Variants in MOK observed in about 807,000 individuals in gnomAD.
MOK encodes the protein MOK protein kinase, also known as MAPK/MAK/MRK overlapping kinase.
A neutral mutation model predicts 54.2 loss-of-function variants in MOK; 59 were observed. The observed-to-expected ratio is 1.09, with a 90% CI of 0.88 to 1.35. The LOEUF (loss-of-function observed/expected upper bound fraction) is 1.35, where lower values mean the gene tolerates loss of function less well. Among genes scored for constraint, MOK ranks in the 40% most tolerant of loss-of-function variants. MOK has a pLI of 0.00. For synonymous variants in MOK, 210 were observed against 202.7 expected (o/e 1.04, Z -0.31); for missense variants, 517 against 526.2 (o/e 0.98, Z 0.17).
At chr14:102,222,995 C>T (rs551889406), downstream of MOK, 17 of 1,318,282 alleles carry the variant, frequency 1.3e-5, no homozygotes, top group East Asian at 9.5e-5. This position sits in a 1 kb window ranked among gnomAD's most constrained non-coding sequence, Gnocchi z 4.4. Flanking sequence ...AGGCGGTGGA[C>T]GTCGGCGATA....
At chr14:102,246,709 C>T (rs2066119860) in intron 7 of MOK, among the ~76,000 whole-genome samples, 1 of 150,556 alleles carries the variant, frequency 6.6e-6, no homozygotes. Context: ...GAGTTCGGTC[C>T]AGGTGTTACA....
In MOK at chr14:102,229,409, G is replaced by A. The variant is rs1371660711; in HGVS notation, c.1183-43C>T. The A allele has an allele frequency of 1.9e-6, 3 of 1,614,038 alleles. No individual in the cohort carries two copies. The East Asian group carries it at 6.7e-5, about 36-fold the overall frequency. The stretch of plus-strand genomic sequence containing the variant: ...CAGACACAAAATTCAGTGGCGGCCT[G>A]GGCTGGGTCGAAGAGCAGCGCCGTC... On this transcript the variant is annotated intron_variant, in intron 11 of 11. Transcript: ENST00000361847.
chr14:102,244,856 T>C (rs552855799), intron 7 of MOK, among the ~76,000 whole-genome samples: 52 of 152,236 alleles, frequency 3.4e-4, no homozygotes, highest in Middle Eastern at 6.8e-3. Flanking sequence ...CAGTGGAACC[T>C]TCATACCGCT....
downstream of MOK, chr14:102,226,198 A>G: frequency 1.6e-6 from 1 of 613,640 alleles, no homozygotes; most frequent in South Asian, 1.9e-5. This position sits in a 1 kb window ranked among gnomAD's most constrained non-coding sequence, Gnocchi z 4.8. Context: ...TGCCCCCGCC[A>G]GTGTGGGGTG....
At chr14:102,241,601 G>T (rs1165942723) in intron 7 of MOK, among the ~76,000 whole-genome samples, 1 of 152,194 alleles carries the variant, frequency 6.6e-6, no homozygotes, top group East Asian at 1.9e-4. Context: ...ACCCAGAGGG[G>T]CCAGAAGGCC....
chr14:102,284,733 G>T (rs1344692818), intron 1 of MOK, among the ~76,000 whole-genome samples: 1 of 152,150 alleles, frequency 6.6e-6, no homozygotes, highest in Non-Finnish European at 1.5e-5. Context: ...CTTCAAGGAA[G>T]CTCCTACAAA....
At chr14:102,217,644 C>T in the MOK span, among the ~76,000 whole-genome samples, 2 of 152,160 alleles carry the variant, frequency 1.3e-5, no homozygotes, top group Non-Finnish European at 2.9e-5. Context: ...GCTCACGTGC[C>T]GCTTGTGTGA....
At chr14:102,222,587 C>G (rs2064031236), downstream of MOK, among the ~76,000 whole-genome samples, 1 of 152,208 alleles carries the variant, frequency 6.6e-6, no homozygotes, top group Admixed American at 6.5e-5. This position sits in a 1 kb window ranked among gnomAD's most constrained non-coding sequence, Gnocchi z 4.4. Context: ...CAGCCCTGCC[C>G]GCCCTTCTCT....
intron 10 of MOK, chr14:102,229,916 C>G (rs566968773): frequency 4.3e-6 from 2 of 460,416 alleles, no homozygotes; most frequent in Non-Finnish European, 7.7e-6. Context: ...GCAAAGGGCT[C>G]GCGGGCTGTG....
rs2066061673 is a variant in MOK at position 102,245,961 on chromosome 14, C to T, written c.590+4851G>A. The T allele has an allele frequency of 6.5e-6, 1 of 152,942 alleles. No individual in the cohort carries two copies. Among genetic ancestry groups the T allele is most frequent in the Non-Finnish European group, 1.5e-5 (1 of 68,064 alleles). 9.5% of individuals were successfully genotyped at this position (152,942 alleles called of 1,614,324 possible). A position where few individuals can be genotyped will look rare whatever the true frequency, so the allele number is the denominator to read the frequency against. ...CAGAAGAAACTTCACATCAGTAAAT[C>T]CATCCATCTCAAACAGGTTTAAAGT... On this transcript the variant is annotated intron_variant, in intron 7 of 11. Transcript: ENST00000361847. The surrounding 1 kb of genome is among the most constrained non-coding windows in gnomAD (Gnocchi z 4.3).
rs954931144 is a variant in MOK, at chr14:102,299,065, G to C, written c.7+5897C>G. ...TTAAGAACTGTAACACTCACCGTGA[G>C]GGTCTGAGGTTTAGTTCTTGAAGTC... On this transcript the variant is annotated intron_variant, in intron 1 of 11. Transcript: ENST00000361847. Among the ~76,000 whole-genome samples the C allele has an allele frequency of 2.0e-5, 3 of 152,174 alleles. No homozygotes were observed. The South Asian group carries it at 6.2e-4, about 32-fold the overall frequency.
chr14:102,272,037 C>G (rs1360963388), intron 2 of MOK, among the ~76,000 whole-genome samples: 2 of 151,980 alleles, frequency 1.3e-5, no homozygotes, highest in Non-Finnish European at 2.9e-5. Flanking sequence ...TGCCACCATG[C>G]CCAGCTGTTT....
In MOK at chr14:102,250,883, G is replaced by T. The variant is rs1333287402; in HGVS notation, c.519C>A (p.Leu173=). ...STRWYRAPEC[L]LTDGFYTYKM... is the part of the protein sequence containing the mutation. ...TGTACGTGTAGAACCCATCAGTGAG[G>T]AGACACTCCGGGGCCCGGTACCAGC... Residue 173 remains leucine, a synonymous_variant, in exon 7 of 12, where the codon CTC becomes CTA. Coordinates refer to ENST00000361847, the MANE Select transcript of MOK (RefSeq NM_014226.3). The T allele has an allele frequency of 6.2e-7, 1 of 1,613,986 alleles. No homozygotes were observed. Among genetic ancestry groups the T allele is most frequent in the Non-Finnish European group, 8.5e-7 (1 of 1,180,060 alleles).
intron 7 of MOK, among the ~76,000 whole-genome samples, chr14:102,241,272 G>C (rs181550222): frequency 6.6e-6 from 1 of 151,964 alleles, no homozygotes; most frequent in East Asian, 1.9e-4. Flanking sequence ...TCCTCCCCAG[G>C]CTAATCCTCG....
rs761210348 is a variant in MOK at position 102,265,835 on chromosome 14, T to A, written c.200A>T (p.His67Leu). 1.2e-6 allele frequency: 2 copies of A among 1,613,690 alleles called. No individual in the cohort carries two copies. Among genetic ancestry groups the A allele is most frequent in the Non-Finnish European group, 1.7e-6 (2 of 1,179,612 alleles). The change falls in exon 3 of 12, where the codon CAT becomes CTT. Residue 67 changes from histidine to leucine, a missense_variant. His to Leu is a moderately conservative substitution (Grantham distance 99). Coordinates refer to ENST00000361847, the MANE Select transcript of MOK (RefSeq NM_014226.3). ...CAAATATACTTACAAAACCACTTCA[T>A]GCAACATAAGAATGTTTGGGTGCGG... ...LNPHPNILML[H>L]EVVFDRKSGS...
intron 2 of MOK, among the ~76,000 whole-genome samples, chr14:102,268,481 G>A (rs2068085021): frequency 6.6e-6 from 1 of 152,010 alleles, no homozygotes; most frequent in Non-Finnish European, 1.5e-5. Context: ...TTATTGTTCT[G>A]TTGGAAACAA....
intron 1 of MOK, among the ~76,000 whole-genome samples, chr14:102,289,265 A>T (rs2153180989): frequency 6.6e-6 from 1 of 152,222 alleles, no homozygotes; most frequent in Non-Finnish European, 1.5e-5. Flanking sequence ...AAAAAAACAG[A>T]GTTAGGAATA....
At chr14:102,233,618 A>T in intron 8 of MOK, 70 bp downstream of exon 8, 1 of 1,367,178 alleles carries the variant, frequency 7.3e-7, no homozygotes, top group Non-Finnish European at 1.0e-6. Flanking sequence ...AGGCACAGGG[A>T]GGGGCTTGCC....
At chr14:102,273,914 T>C (rs766952976) in intron 2 of MOK, among the ~76,000 whole-genome samples, 10 of 152,198 alleles carry the variant, frequency 6.6e-5, no homozygotes, top group South Asian at 2.1e-4. Context: ...AATTGAACGA[T>C]AGACTCAATA....
Sources: allele counts gnomAD v4.1 joint callset (sites outside exome capture counted in the v4.1 genomes callset), GRCh38; gene constraint gnomAD v4.1.1; non-coding constraint Gnocchi (gnomAD v3.1); transcripts MANE v1.5; gene names NCBI Gene and HGNC (gene_info 2026-07-23, HGNC 2026-07-21).